The following CTNNA2 variants were observed in gnomAD, a reference collection of about 807,000 sequenced individuals.
CTNNA2 encodes the protein catenin alpha-2.
Under a neutral mutation model 101.0 loss-of-function variants are expected in CTNNA2, and 42 were observed. The ratio of observed to expected loss-of-function variants is 0.42; its 90% confidence interval spans 0.32 to 0.54. The LOEUF is 0.54. CTNNA2 is among the 20% of genes least tolerant of loss of function. The pLI is 0.14. For missense variants in CTNNA2, 871 were observed against 1,223.1 expected, an observed-to-expected ratio of 0.71 and a Z score of 4.29; for synonymous variants, 450 against 456.4, an observed-to-expected ratio of 0.99 and a Z score of 0.18.
intron 7 of CTNNA2, among the ~76,000 whole-genome samples, chr2:80,232,718 T>A (rs1709328303): frequency 6.6e-6 from 1 of 152,056 alleles, no homozygotes; most frequent in Non-Finnish European, 1.5e-5. Flanking sequence ...CTGCCCTTGG[T>A]TCAGGTCTCA....
At chr2:79,370,269 C>T (rs1221945866) in intron 3 of CTNNA2, among the ~76,000 whole-genome samples, 1 of 152,190 alleles carries the variant, frequency 6.6e-6, no homozygotes, top group Non-Finnish European at 1.5e-5. Context: ...TGAAAGATCA[C>T]TCAGAAATTA....
At chr2:79,657,183 A>G (rs1681672890) in intron 2 of CTNNA2, among the ~76,000 whole-genome samples, 1 of 151,920 alleles carries the variant, frequency 6.6e-6, no homozygotes, top group Non-Finnish European at 1.5e-5. Context: ...AATGGCCAAC[A>G]TAAACCCCTT....
At chr2:80,341,703 G>A (rs578175823) in intron 7 of CTNNA2, among the ~76,000 whole-genome samples, 4 of 152,206 alleles carry the variant, frequency 2.6e-5, no homozygotes, top group African/African-American at 4.8e-5. Context: ...AAAATAGTTC[G>A]GTAGGTTCTC....
rs1333365235 is a variant in CTNNA2 at position 80,390,154 on chromosome 2, C to T, written c.1057-3057C>T. On this transcript the variant is annotated intron_variant, in intron 7 of 18. Coordinates refer to ENST00000402739, the MANE Select transcript of CTNNA2 (RefSeq NM_001282597.3). Reference sequence around the variant, plus strand: ...ACTTTCTTTTTGCCAGTCAAAGTGCCTCTCTCTTTCCTATTCTAATCTTAC... The same window carrying T: ...ACTTTCTTTTTGCCAGTCAAAGTGCTTCTCTCTTTCCTATTCTAATCTTAC... Among the ~76,000 whole-genome samples, 45 of 152,120 alleles carry T rather than the reference C, an allele frequency of 3.0e-4. 1 individual carries two copies. Among genetic ancestry groups the T allele is most frequent in the Admixed American group, 2.9e-3 (45 of 15,276 alleles).
chr2:79,675,664 A>G (rs1683135372), intron 2 of CTNNA2, among the ~76,000 whole-genome samples: 1 of 152,142 alleles, frequency 6.6e-6, no homozygotes, highest in Non-Finnish European at 1.5e-5. Context: ...TTGGGGATCC[A>G]TGGATAAAAA....
At position 79,724,814 on chromosome 2, in the gene CTNNA2, CAAAAAAAAAAAA is replaced by C. The variant is rs60016527; in HGVS notation, c.103-19562_103-19551del. On this transcript the variant is annotated intron_variant, in intron 2 of 18. Transcript: ENST00000402739. ...GGGGCGACAGACCAAGACTCCACCT[CAAAAAAAAAAAA>C]AAAAAAAAAAGGAAAAGAAAAAAGA... Among the ~76,000 whole-genome samples, 11 of 74,090 alleles carry C rather than the reference CAAAAAAAAAAAA, an allele frequency of 1.5e-4. No homozygotes were observed. The South Asian group carries it at 3.6e-3, about 24-fold the overall frequency. The allele number at this position is 74,090 out of a possible 152,430, so 48.6% of individuals were successfully genotyped here.
At chr2:79,231,866 T>TA (rs1674497439) in intron 2 of CTNNA2, among the ~76,000 whole-genome samples, 1 of 152,174 alleles carries the variant, frequency 6.6e-6, no homozygotes, top group Admixed American at 6.5e-5. Context: ...TCTAGAATGT[T>TA]ACTGGTGTAT....
intron 11 of CTNNA2, among the ~76,000 whole-genome samples, chr2:80,554,693 C>T (rs1157793804): frequency 2.0e-5 from 3 of 152,138 alleles, no homozygotes; most frequent in African/African-American, 7.2e-5. Context: ...AATACTACCC[C>T]TTTGGGAGTT....
chr2:79,992,919 A>G (rs1558708228), intron 7 of CTNNA2, among the ~76,000 whole-genome samples: 1 of 152,178 alleles, frequency 6.6e-6, no homozygotes, highest in East Asian at 1.9e-4. Context: ...TCACTCTGTG[A>G]GGATCTGGTG....
chr2:79,689,482 C>T (rs1684148723), intron 2 of CTNNA2, among the ~76,000 whole-genome samples: 1 of 151,970 alleles, frequency 6.6e-6, no homozygotes, highest in African/African-American at 2.4e-5. Flanking sequence ...CTACAATATT[C>T]TTCTCACAGC....
intron 2 of CTNNA2, among the ~76,000 whole-genome samples, chr2:79,673,442 G>A (rs1227719485): frequency 6.6e-6 from 1 of 152,126 alleles, no homozygotes; most frequent in Non-Finnish European, 1.5e-5. Flanking sequence ...CTTTGTAGGA[G>A]ATCAGGTTAA....
At chr2:80,097,790 G>C (rs955574078) in intron 7 of CTNNA2, among the ~76,000 whole-genome samples, 2 of 152,032 alleles carry the variant, frequency 1.3e-5, no homozygotes, top group African/African-American at 4.8e-5. Context: ...TCTTCCAGTT[G>C]ATCGCATTGC....
intron 4 of CTNNA2, among the ~76,000 whole-genome samples, chr2:79,434,791 T>C (rs1678695968): frequency 6.6e-6 from 1 of 152,168 alleles, no homozygotes; most frequent in Admixed American, 6.5e-5. Context: ...GGTGCTGAGC[T>C]AATACTTCAC....
chr2:80,059,437 G>A (rs1697429955), intron 7 of CTNNA2, among the ~76,000 whole-genome samples: 1 of 152,204 alleles, frequency 6.6e-6, no homozygotes, highest in African/African-American at 2.4e-5. Flanking sequence ...TGAGTCAACA[G>A]CATCTTAGCC....
intron 4 of CTNNA2, among the ~76,000 whole-genome samples, chr2:79,396,790 T>C (rs1313984401): frequency 2.6e-5 from 4 of 152,266 alleles, no homozygotes; most frequent in Admixed American, 2.6e-4. Flanking sequence ...ATGGAGAGAA[T>C]ATTCAAAACA....
intron 7 of CTNNA2, among the ~76,000 whole-genome samples, chr2:80,322,681 G>A (rs1678831172): frequency 2.6e-5 from 4 of 152,218 alleles, no homozygotes; most frequent in African/African-American, 7.2e-5. Context: ...GCGTGTGTGG[G>A]GAGATGGGTG....
chr2:79,358,420 G>A (rs892445885), intron 3 of CTNNA2, among the ~76,000 whole-genome samples: 3 of 152,014 alleles, frequency 2.0e-5, no homozygotes, highest in East Asian at 1.9e-4. Flanking sequence ...GGCTGATCTC[G>A]AACTCCTGAC....
At chr2:79,268,877 AT>A (rs1237359519) in intron 2 of CTNNA2, among the ~76,000 whole-genome samples, 1 of 152,040 alleles carries the variant, frequency 6.6e-6, no homozygotes, top group African/African-American at 2.4e-5. Context: ...CGATGTGTCC[AT>A]TTTTTGGACC....
intron 4 of CTNNA2, among the ~76,000 whole-genome samples, chr2:79,421,294 A>G (rs1678537087): frequency 6.6e-6 from 1 of 152,200 alleles, no homozygotes; most frequent in Admixed American, 6.5e-5. Context: ...TCATTAAGTG[A>G]TGAGAGATGT....
Sources: allele counts gnomAD v4.1 joint callset (sites outside exome capture counted in the v4.1 genomes callset), GRCh38; gene constraint gnomAD v4.1.1; transcripts MANE v1.5; gene names NCBI Gene and HGNC (gene_info 2026-07-23, HGNC 2026-07-21).